Variants in FBXO10 observed in about 807,000 individuals in gnomAD.
The protein encoded by FBXO10 is F-box only protein 10.
FBXO10 carries 39 observed loss-of-function variants against 80.7 expected under a neutral mutation model. The observed-to-expected ratio is 0.48, with a 90% CI of 0.37 to 0.63. The LOEUF is 0.63. FBXO10 is among the 30% of genes least tolerant of loss of function. FBXO10 has a pLI of 0.00. For synonymous variants in FBXO10, 449 were observed against 489.6 expected, an observed-to-expected ratio of 0.92 and a Z score of 1.09; for missense variants, 1,025 against 1,269.0, an observed-to-expected ratio of 0.81 and a Z score of 2.92.
At chr9:37,525,480 C>T (rs1821447548) in intron 5 of FBXO10, among the ~76,000 whole-genome samples, 1 of 152,168 alleles carries the variant, frequency 6.6e-6, no homozygotes, top group African/African-American at 2.4e-5. Context: ...CCCAACTATG[C>T]TATACACGCA....
At chr9:37,536,388 A>T (rs1821766559) in intron 3 of FBXO10, among the ~76,000 whole-genome samples, 2 of 152,176 alleles carry the variant, frequency 1.3e-5, no homozygotes, top group Non-Finnish European at 2.9e-5. Flanking sequence ...CCTTCCTGTC[A>T]TCAACCATTT....
In FBXO10 at chr9:37,521,785, T is replaced by C. The variant is rs1308551223; in HGVS notation, c.1984A>G (p.Ser662Gly). 2 of 1,608,804 alleles carry C rather than the reference T, an allele frequency of 1.2e-6. No individual in the cohort carries two copies. The highest frequency in any genetic ancestry group is 2.7e-5 in the African/African-American group (2 of 74,910). The change falls in exon 8 of 11, where the codon AGC (serine) becomes GGC (glycine). Residue 662 changes from serine (S) to glycine (G), a missense_variant. Transcript: ENST00000432825. ...MMSSSLPHVT[S>G]NHVSYNGLYG... ...AGGCCATTGTAGCTGACGTGGTTGC[T>C]GGTGACATGGGGGAGGCTGGACGAC... is the stretch of plus-strand genomic sequence containing the variant.
chr9:37,512,475 T>C lies in FBXO10; in HGVS notation c.*72A>G, dbSNP rs1821080646. 6 of 1,532,900 alleles carry C rather than the reference T, an allele frequency of 3.9e-6. No individual in the cohort carries two copies. Among genetic ancestry groups the C allele is most frequent in the Non-Finnish European group, 5.3e-6 (6 of 1,130,840 alleles). The allele number at this position is 1,532,900 out of a possible 1,614,324, so 95.0% of individuals were successfully genotyped here. ...AGGGGGAGGGGGAGGGGCGGAGTCT[T>C]TTCAGGCAGTATTTCCACCTTAGCT... On this transcript the variant is annotated 3_prime_UTR_variant, in exon 11 of 11. Transcript: ENST00000432825.
At chr9:37,558,614 C>T (rs1220257528) in intron 1 of FBXO10, among the ~76,000 whole-genome samples, 1 of 152,098 alleles carries the variant, frequency 6.6e-6, no homozygotes, top group Non-Finnish European at 1.5e-5. Context: ...GCACAAAGTA[C>T]AGGCTTAATA....
chr9:37,563,437 C>T (rs920596822), intron 1 of FBXO10, among the ~76,000 whole-genome samples: 6 of 152,014 alleles, frequency 3.9e-5, no homozygotes, highest in Non-Finnish European at 8.8e-5. Context: ...CGGAAGAAGA[C>T]AGAAAAATGT....
intron 9 of FBXO10, among the ~76,000 whole-genome samples, chr9:37,517,565 G>GACCAAGCCCAGTGGGGAGTGC (rs1821217378): frequency 6.6e-6 from 1 of 151,938 alleles, no homozygotes; most frequent in African/African-American, 2.4e-5. Context: ...GCTCTGTGAG[G>GACCAAGCCCAGTGGGGAGTGC]TATGTGTGGA....
intron 4 of FBXO10, among the ~76,000 whole-genome samples, chr9:37,530,319 C>T (rs1821587164): frequency 1.3e-5 from 2 of 152,190 alleles, no homozygotes; most frequent in Non-Finnish European, 2.9e-5. Flanking sequence ...AAGGATTTGG[C>T]AGGCTCATCA....
intron 3 of FBXO10, among the ~76,000 whole-genome samples, chr9:37,533,894 A>C (rs1821690276): frequency 2.0e-5 from 3 of 151,856 alleles, no homozygotes; most frequent in South Asian, 4.2e-4. Flanking sequence ...AACAAAAAAA[A>C]CACAACCAAC....
At chr9:37,529,015 C>T (rs1821546737) in intron 5 of FBXO10, 109 bp downstream of exon 5, 1 of 1,420,150 alleles carries the variant, frequency 7.0e-7, no homozygotes, top group Admixed American at 2.2e-5. Context: ...TGAGTGAAGT[C>T]TCTTCTCTGC....
chr9:37,549,372 T>C (rs1382190212), intron 1 of FBXO10, among the ~76,000 whole-genome samples: 3 of 152,174 alleles, frequency 2.0e-5, no homozygotes, highest in African/African-American at 7.2e-5. Context: ...TAGAGAATCA[T>C]TTTACAAGGC....
chr9:37,572,010 T>C (rs1822772452), intron 1 of FBXO10, among the ~76,000 whole-genome samples: 1 of 151,696 alleles, frequency 6.6e-6, no homozygotes, highest in African/African-American at 2.4e-5. Flanking sequence ...TCCCAGCTGC[T>C]CAGGGGGCTG....
chr9:37,519,991 C>G (rs1182728592), intron 8 of FBXO10, among the ~76,000 whole-genome samples: 2 of 152,050 alleles, frequency 1.3e-5, no homozygotes, highest in African/African-American at 4.8e-5. Context: ...CCCAGCTAAT[C>G]TGAAAAAAAT....
chr9:37,523,087 C>A, intron 6 of FBXO10, 110 bp from the exon 7 acceptor site: 1 of 1,217,470 alleles, frequency 8.2e-7, no homozygotes, highest in Non-Finnish European at 1.1e-6. Context: ...AAGGCCCTGG[C>A]CTTACCCTGC....
chr9:37,571,739 A>G (rs917104658), intron 1 of FBXO10, among the ~76,000 whole-genome samples: 1 of 143,334 alleles, frequency 7.0e-6, no homozygotes, highest in African/African-American at 2.6e-5. Context: ...ATATATATAT[A>G]TATATATATT....
chr9:37,529,413 C>T (rs1821560491), intron 4 of FBXO10, among the ~76,000 whole-genome samples, 153 bp from the exon 5 acceptor site: 1 of 152,162 alleles, frequency 6.6e-6, no homozygotes, highest in Non-Finnish European at 1.5e-5. Flanking sequence ...GGGAATGGGT[C>T]ACACTGCCGC....
intron 3 of FBXO10, among the ~76,000 whole-genome samples, chr9:37,533,610 C>G (rs1399861797): frequency 1.4e-5 from 2 of 142,802 alleles, no homozygotes; most frequent in African/African-American, 5.2e-5. Context: ...TTGGCTCATG[C>G]CTGTAATCCC....
At chr9:37,568,931 G>A (rs903406988) in intron 1 of FBXO10, among the ~76,000 whole-genome samples, 8 of 152,338 alleles carry the variant, frequency 5.3e-5, no homozygotes, top group Admixed American at 2.0e-4. Flanking sequence ...TAGCTCCAAA[G>A]AAGGGAAGAC....
intron 1 of FBXO10, among the ~76,000 whole-genome samples, chr9:37,568,836 G>C (rs183934029): frequency 2.0e-5 from 3 of 151,944 alleles, no homozygotes; most frequent in Non-Finnish European, 4.4e-5. Context: ...TATCAACTTT[G>C]GTCAAATTGA....
intron 1 of FBXO10, among the ~76,000 whole-genome samples, chr9:37,565,563 G>A (rs924353812): frequency 7.2e-5 from 11 of 152,206 alleles, no homozygotes; most frequent in Non-Finnish European, 1.6e-4. Flanking sequence ...GGGCACCACC[G>A]TGTACCTCCT....
Sources: gnomAD v4.1 joint callset for allele counts (sites outside exome capture counted in the v4.1 genomes callset) on GRCh38, gnomAD v4.1.1 for gene constraint, MANE v1.5 for transcripts, NCBI Gene and HGNC (gene_info 2026-07-23, HGNC 2026-07-21) for gene names.